The following ERC2 variants were observed in gnomAD, a reference collection of about 807,000 sequenced individuals.
ERC2 encodes ERC protein 2.
A neutral mutation model predicts 114.8 loss-of-function variants in ERC2; 42 were observed. The observed-to-expected ratio is 0.37, with a 90% CI of 0.29 to 0.47. ERC2 has a LOEUF of 0.47. Ranked by LOEUF, ERC2 falls within the 20% of genes least tolerant of loss-of-function variation. The pLI is 0.99. For synonymous variants in ERC2, 454 were observed against 425.5 expected (o/e 1.07, Z -0.82); for missense variants, 939 against 1,150.7 (o/e 0.82, Z 2.66).
rs560314966 is a variant in ERC2, at chr3:55,550,813, G to C, written c.*40-39537C>G. On this transcript the variant is annotated intron_variant, in intron 17 of 17. Transcript: ENST00000288221. ...GGGCAGATCACGAGGTCAGGAGATC[G>C]AGACCATCCTGGCTAACACGGTGAA... is the stretch of plus-strand genomic sequence containing the variant. Among the ~76,000 whole-genome samples the C allele has an allele frequency of 2.8e-4, 42 of 152,050 alleles. No homozygotes were observed. In the South Asian group the frequency reaches 6.5e-3, roughly 23 times the overall value.
At chr3:56,321,645 T>C (rs753376340) in intron 2 of ERC2, among the ~76,000 whole-genome samples, 7 of 152,234 alleles carry the variant, frequency 4.6e-5, no homozygotes, top group Non-Finnish European at 8.8e-5. Context: ...TCTCTGATTA[T>C]ATAAGTTTGT....
intron 17 of ERC2, among the ~76,000 whole-genome samples, chr3:55,603,995 G>A (rs914504987): frequency 2.0e-5 from 3 of 151,950 alleles, no homozygotes; most frequent in Admixed American, 6.6e-5. Context: ...ATGTCTCTCC[G>A]GCCACGTTTA....
chr3:56,211,207 C>T (rs556467727), intron 3 of ERC2, among the ~76,000 whole-genome samples: 1 of 152,228 alleles, frequency 6.6e-6, no homozygotes, highest in African/African-American at 2.4e-5. Flanking sequence ...ACCCTAAAGA[C>T]TCATCCAAAA....
intron 1 of ERC2, among the ~76,000 whole-genome samples, chr3:56,463,297 A>T (rs1559536233): frequency 6.6e-6 from 1 of 152,210 alleles, no homozygotes; most frequent in Non-Finnish European, 1.5e-5. Flanking sequence ...CTGCCCCTCC[A>T]GGCATTGCAC....
chr3:56,440,532 T>G (rs2062246994), intron 1 of ERC2, among the ~76,000 whole-genome samples: 3 of 133,972 alleles, frequency 2.2e-5, no homozygotes, highest in South Asian at 2.4e-4. Flanking sequence ...TGGGCAACAG[T>G]GCAAGACTCT....
At chr3:56,132,612 G>A (rs947518340) in intron 6 of ERC2, among the ~76,000 whole-genome samples, 61 of 152,302 alleles carry the variant, frequency 4.0e-4, no homozygotes, top group African/African-American at 1.5e-3. Context: ...ACTCCAGCCT[G>A]GGCGACAGAG....
chr3:56,453,806 C>T (rs1015977085), intron 1 of ERC2, among the ~76,000 whole-genome samples: 2 of 152,144 alleles, frequency 1.3e-5, no homozygotes, highest in African/African-American at 2.4e-5. Flanking sequence ...CTGGAAAAGC[C>T]GAAAGGAGGA....
chr3:55,671,524 T>G (rs2061559837), intron 17 of ERC2, among the ~76,000 whole-genome samples: 1 of 152,182 alleles, frequency 6.6e-6, no homozygotes. Flanking sequence ...GCCGACATCC[T>G]TTGAGAAAGG....
chr3:55,974,954 A>G (rs1310646371), intron 12 of ERC2, among the ~76,000 whole-genome samples: 1 of 152,212 alleles, frequency 6.6e-6, no homozygotes, highest in African/African-American at 2.4e-5. Context: ...AGTAGTCCCT[A>G]TGGTCCCAGG....
intron 17 of ERC2, among the ~76,000 whole-genome samples, chr3:55,619,474 A>G (rs2059245955): frequency 6.6e-6 from 1 of 152,162 alleles, no homozygotes; most frequent in Non-Finnish European, 1.5e-5. Flanking sequence ...TAATTTCATA[A>G]TCAGTTCCAG....
chr3:55,547,954 G>C (rs973090765), intron 17 of ERC2, among the ~76,000 whole-genome samples: 1 of 152,194 alleles, frequency 6.6e-6, no homozygotes, highest in Non-Finnish European at 1.5e-5. Flanking sequence ...CTGCTCCAGA[G>C]GACCCCCATG....
intron 14 of ERC2, among the ~76,000 whole-genome samples, chr3:55,817,282 T>C (rs1336444070): frequency 1.3e-5 from 2 of 152,192 alleles, no homozygotes; most frequent in Admixed American, 1.3e-4. Context: ...CTGGTCCCTG[T>C]TGCAATCATT....
intron 14 of ERC2, among the ~76,000 whole-genome samples, chr3:55,874,061 C>G (rs1250670380): frequency 6.6e-6 from 1 of 152,232 alleles, no homozygotes; most frequent in Admixed American, 6.5e-5. Flanking sequence ...CTTAGCTTGC[C>G]TGACCTCAGT....
chr3:56,006,144 A>T (rs1049185491), intron 10 of ERC2, among the ~76,000 whole-genome samples: 10 of 152,082 alleles, frequency 6.6e-5, no homozygotes, highest in Admixed American at 5.3e-4. Flanking sequence ...AGACTTTCTT[A>T]GTGTGAAATT....
At chr3:55,575,757 C>T (rs545561584) in intron 17 of ERC2, among the ~76,000 whole-genome samples, 51 of 152,274 alleles carry the variant, frequency 3.3e-4, no homozygotes, top group African/African-American at 1.2e-3. Flanking sequence ...CCAAATTTAC[C>T]CCCTGGCTGA....
At chr3:55,971,352 C>G (rs1204885565) in intron 12 of ERC2, among the ~76,000 whole-genome samples, 1 of 151,914 alleles carries the variant, frequency 6.6e-6, no homozygotes, top group Non-Finnish European at 1.5e-5. Flanking sequence ...GCAAATATAT[C>G]TTAATTAAAA....
intron 7 of ERC2, among the ~76,000 whole-genome samples, chr3:56,033,787 T>C (rs774795369): frequency 6.6e-5 from 10 of 152,244 alleles, no homozygotes; most frequent in Middle Eastern, 6.8e-3. Flanking sequence ...GCCTACAAGA[T>C]TTCTTTTTTT....
rs551500642 is a variant in ERC2, at chr3:56,269,887, T to C, written c.1074+26132A>G. Among the ~76,000 whole-genome samples, 42 of 152,312 alleles carry C rather than the reference T, an allele frequency of 2.8e-4. No homozygotes were observed. The South Asian group carries it at 6.6e-3, about 24-fold the overall frequency. On this transcript the variant is annotated intron_variant, in intron 3 of 17. Transcript: ENST00000288221. ...ACTTAAAGGGTGAGGCTCTGGTCAC[T>C]TGGGGAATAGTCTTATAAAAAAAAG...
chr3:55,818,181 T>C (rs944601758), intron 14 of ERC2, among the ~76,000 whole-genome samples: 3 of 152,168 alleles, frequency 2.0e-5, no homozygotes, highest in Non-Finnish European at 4.4e-5. Context: ...TTTCAATACA[T>C]TATGGTGACA....
Sources: gnomAD v4.1 joint callset for allele counts (sites outside exome capture counted in the v4.1 genomes callset) on GRCh38, gnomAD v4.1.1 for gene constraint, MANE v1.5 for transcripts, NCBI Gene and HGNC (gene_info 2026-07-23, HGNC 2026-07-21) for gene names.